PREX2: variants seen among roughly 807,000 people sequenced by gnomAD.
PREX2 encodes phosphatidylinositol-3,4,5-trisphosphate dependent Rac exchange factor 2, also known as phosphatidylinositol 3,4,5-trisphosphate-dependent Rac exchanger 2 protein.
A neutral mutation model predicts 203.2 loss-of-function variants in PREX2; 107 were observed. The observed-to-expected ratio is 0.53, with a 90% CI of 0.45 to 0.62. The LOEUF is 0.62. Among genes scored for constraint, PREX2 ranks in the 20% least tolerant of loss-of-function variants. PREX2 has a pLI of 0.00. For missense variants in PREX2, 1,777 were observed against 1,955.9 expected, an observed-to-expected ratio of 0.91 and a Z score of 1.72; for synonymous variants, 672 against 663.6, an observed-to-expected ratio of 1.01 and a Z score of -0.19.
At chr8:67,976,987 A>C (rs1324210385) in intron 1 of PREX2, among the ~76,000 whole-genome samples, 1 of 152,244 alleles carries the variant, frequency 6.6e-6, no homozygotes, top group Non-Finnish European at 1.5e-5. Flanking sequence ...TGAGCAAAAT[A>C]AATGGTTATT....
In PREX2 at chr8:68,235,926, C is replaced by T. The variant is rs894496207; in HGVS notation, c.*4548C>T. 2.6e-5 allele frequency: 4 copies of T among 152,078 alleles called. No individual in the cohort carries two copies. Among genetic ancestry groups the T allele is most frequent in the South Asian group, 2.1e-4 (1 of 4,814 alleles). The allele number at this position is 152,078 out of a possible 1,614,324, so 9.4% of individuals were successfully genotyped here. ...CCTGCTTCACTCAGGATAGCTTGCT[C>T]CTCTCGCTGAGAAGAGATACCTGAA... On this transcript the variant is annotated 3_prime_UTR_variant, in exon 40 of 40. Transcript: ENST00000288368.
intron 39 of PREX2, among the ~76,000 whole-genome samples, chr8:68,226,644 A>C (rs1356115058): frequency 1.3e-5 from 2 of 152,192 alleles, no homozygotes; most frequent in Non-Finnish European, 2.9e-5. Context: ...AGAGCAATAT[A>C]TATTGAATTT....
intron 12 of PREX2, among the ~76,000 whole-genome samples, 168 bp downstream of exon 12, chr8:68,069,304 G>T (rs1809119794): frequency 6.6e-6 from 1 of 151,650 alleles, no homozygotes; most frequent in Non-Finnish European, 1.5e-5. Flanking sequence ...GAATTCTAAC[G>T]TTCAATTGTT....
intron 23 of PREX2, among the ~76,000 whole-genome samples, chr8:68,104,129 C>T (rs1225068014): frequency 6.6e-6 from 1 of 152,190 alleles, no homozygotes; most frequent in African/African-American, 2.4e-5. Flanking sequence ...TTCCCTTTCT[C>T]TCACACCATT....
intron 35 of PREX2, among the ~76,000 whole-genome samples, chr8:68,171,776 C>A (rs1811882738): frequency 2.0e-5 from 3 of 151,902 alleles, no homozygotes; most frequent in Non-Finnish European, 4.4e-5. Flanking sequence ...CTACCTGAAA[C>A]CACAAGAGTA....
chr8:68,210,558 T>A (rs958381263), intron 37 of PREX2, among the ~76,000 whole-genome samples: 1 of 152,208 alleles, frequency 6.6e-6, no homozygotes, highest in Non-Finnish European at 1.5e-5. Flanking sequence ...GTTTCCCATG[T>A]CATTTCATTG....
chr8:67,992,616 T>C (rs1051555655), intron 1 of PREX2, among the ~76,000 whole-genome samples: 7 of 152,206 alleles, frequency 4.6e-5, no homozygotes, highest in Admixed American at 3.9e-4. Flanking sequence ...CAGCATACAG[T>C]GGTTTAGGCA....
chr8:67,985,378 G>C (rs1806387214), intron 1 of PREX2, among the ~76,000 whole-genome samples: 1 of 152,090 alleles, frequency 6.6e-6, no homozygotes, highest in Non-Finnish European at 1.5e-5. Context: ...TAATTTCAAT[G>C]ACCATATTTG....
Position 68,234,040 on chromosome 8 carries a change from C to G in PREX2, c.*2662C>G, listed in dbSNP as rs1813220019. On this transcript the variant is annotated 3_prime_UTR_variant, in exon 40 of 40. Transcript: ENST00000288368. ...ACTCTGGATGCACATTTTGAGGTAA[C>G]TCAACAGTGTTGCAATCTGAAAAAC... 6.6e-6 allele frequency: 1 copy of G among 152,166 alleles called. No individual in the cohort carries two copies. The highest frequency in any genetic ancestry group is 6.6e-5 in the Admixed American group (1 of 15,264). 9.4% of individuals were successfully genotyped at this position (152,166 alleles called of 1,614,324 possible). A position where few individuals can be genotyped will look rare whatever the true frequency, so the allele number is the denominator to read the frequency against.
At chr8:68,189,337 C>G (rs1279402217) in intron 35 of PREX2, among the ~76,000 whole-genome samples, 1 of 152,102 alleles carries the variant, frequency 6.6e-6, no homozygotes, top group Non-Finnish European at 1.5e-5. Flanking sequence ...AGGGTAAAAC[C>G]TTATCAGGGC....
At chr8:68,004,580 A>G (rs1023918544) in intron 1 of PREX2, among the ~76,000 whole-genome samples, 5 of 152,272 alleles carry the variant, frequency 3.3e-5, no homozygotes, top group Admixed American at 1.3e-4. Flanking sequence ...ATGTCAAATG[A>G]TACGAAACAT....
rs10093734 is a variant in PREX2, at chr8:67,952,322, G to C, written c.-73G>C. The C allele has an allele frequency of 0.029, 36,421 of 1,269,494 alleles. 735 individuals carry two copies. The highest frequency in any genetic ancestry group is 0.1 in the African/African-American group (6,422 of 63,468). The allele number at this position is 1,269,494 out of a possible 1,614,324, so 78.6% of individuals were successfully genotyped here. On this transcript the variant is annotated 5_prime_UTR_variant, in exon 1 of 40. Coordinates refer to ENST00000288368, the MANE Select transcript of PREX2 (RefSeq NM_024870.4). ...CAACTTTCCATTCTCGCCGCCGGGGGCCGGGCAGCAGCGGGCGCGCGGGTC... is the reference window on the plus strand; with the variant it reads ...CAACTTTCCATTCTCGCCGCCGGGGCCCGGGCAGCAGCGGGCGCGCGGGTC...
rs760817612 is a variant in PREX2, at chr8:68,109,554, A to G, written c.3077A>G (p.Tyr1026Cys). Residue 1026 changes from tyrosine to cysteine, a missense_variant, in exon 25 of 40, where the codon TAT becomes TGT. Physicochemically the swap from Tyr to Cys is radical, Grantham distance 194 (BLOSUM62 -2). Transcript: ENST00000288368. The stretch of plus-strand genomic sequence containing the variant: ...GAAGACTTAGAAACCCAAGACATCT[A>G]TCAGAAACTGCTGGGCAAACTTCAG... ...KEEDLETQDI[Y>C]QKLLGKLQTA... The G allele has an allele frequency of 6.8e-6, 11 of 1,613,944 alleles. No homozygotes were observed. Among genetic ancestry groups the G allele is most frequent in the Non-Finnish European group, 9.3e-6 (11 of 1,179,932 alleles).
rs138983574 is a variant in PREX2 at position 68,192,442 on chromosome 8, G to A, written c.4521G>A (p.Gly1507=). ...ACANTACSAS[G]VGLLSVSSEL... ...CAAACACAGCTTGCAGTGCTTCTGG[G>A]GTTGGACTGCTGTCAGTTTCCTCGG... Residue 1507 remains glycine (G), a synonymous_variant, in exon 37 of 40, where the codon GGG becomes GGA. Transcript: ENST00000288368. 1.2e-3 allele frequency: 1,964 copies of A among 1,614,032 alleles called. 15 individuals are homozygous for A. Among genetic ancestry groups the A allele is most frequent in the South Asian group, 4.8e-3 (435 of 91,064 alleles).
At chr8:68,115,021 C>CTTTTTTTTTTT (rs5892137) in intron 25 of PREX2, among the ~76,000 whole-genome samples, 12 of 86,862 alleles carry the variant, frequency 1.4e-4, no homozygotes, top group East Asian at 3.7e-4. Context: ...TCTTTTCTTT[C>CTTTTTTTTTTT]TTTTTTTTTT....
intron 1 of PREX2, among the ~76,000 whole-genome samples, chr8:68,003,245 G>T (rs1004862172): frequency 6.6e-6 from 1 of 151,870 alleles, no homozygotes; most frequent in African/African-American, 2.4e-5. Context: ...CAAACTCCTG[G>T]GCTCAAGTGA....
intron 1 of PREX2, among the ~76,000 whole-genome samples, chr8:67,988,655 C>T (rs1806507048): frequency 6.6e-6 from 1 of 152,246 alleles, no homozygotes; most frequent in African/African-American, 2.4e-5. Flanking sequence ...CTCACTTTCA[C>T]CTTGCAGGCC....
intron 35 of PREX2, among the ~76,000 whole-genome samples, chr8:68,184,670 C>T (rs1812153369): frequency 6.6e-6 from 1 of 152,124 alleles, no homozygotes; most frequent in East Asian, 1.9e-4. Context: ...TAGTATAGTT[C>T]CTTCTTATTT....
chr8:68,197,297 G>A (rs1350440545), intron 37 of PREX2, among the ~76,000 whole-genome samples: 1 of 152,066 alleles, frequency 6.6e-6, no homozygotes, highest in Non-Finnish European at 1.5e-5. Flanking sequence ...GATCATGGGG[G>A]CAGTTTCCCC....
Sources: allele counts gnomAD v4.1 joint callset (sites outside exome capture counted in the v4.1 genomes callset), GRCh38; gene constraint gnomAD v4.1.1; transcripts MANE v1.5; gene names NCBI Gene and HGNC (gene_info 2026-07-23, HGNC 2026-07-21).